Variants in IFNA14 observed in about 807,000 individuals in gnomAD.
The protein encoded by IFNA14 is interferon alpha-14.
For missense variants in IFNA14, 337 were observed against 214.9 expected (o/e 1.57, Z -3.55); for synonymous variants, 113 against 76.8 (o/e 1.47, Z -2.46).
rs758958116 is a variant in IFNA14 at position 21,239,885 on chromosome 9, C to G, written c.51G>C (p.Lys17Asn). Residue 17 changes from lysine (K) to asparagine (N), a missense_variant, in exon 1 of 1, where the codon AAG becomes AAC. Coordinates refer to ENST00000380222, the MANE Select transcript of IFNA14 (RefSeq NM_002172.3). ...LMMALVVLSC[K>N]SSCSLGCNLS... ...GATTACAGCCCAGAGAGCAGCTTGA[C>G]TTGCAGCTGAGCACCACCAGGGCCA... 32 of 1,614,114 alleles carry G rather than the reference C, an allele frequency of 2.0e-5. No homozygotes were observed. The Admixed American group carries it at 5.0e-4, about 25-fold the overall frequency.
rs768744040 is a variant in IFNA14 at position 21,239,276 on chromosome 9, A to G, written c.*90T>C. On this transcript the variant is annotated 3_prime_UTR_variant, in exon 1 of 1. Transcript: ENST00000380222. ...TTTTGATTCAACTTGTGGTGGTTAT[A>G]GGAGAAGTGAGTCTTTGAAATGGAA... The G allele has an allele frequency of 1.3e-5, 20 of 1,584,314 alleles. No individual in the cohort carries two copies. Among genetic ancestry groups the G allele is most frequent in the Non-Finnish European group, 1.7e-5 (20 of 1,170,360 alleles).
rs369750737 is a variant in IFNA14 at position 21,239,708 on chromosome 9, G to T, written c.228C>A (p.Ala76=). ...GCATCATCTCATGGAGGACAGAGAT[G>T]GCTTGAGCTTTCTGGAACTGGTTGC... ...FDGNQFQKAQ[A]ISVLHEMMQQ... The change falls in exon 1 of 1, where the codon GCC becomes GCA. Residue 76 remains alanine (A), a synonymous_variant. Coordinates refer to ENST00000380222, the MANE Select transcript of IFNA14 (RefSeq NM_002172.3). 1.2e-6 allele frequency: 2 copies of T among 1,614,004 alleles called. No homozygotes were observed. The highest frequency in any genetic ancestry group is 2.2e-5 in the South Asian group (2 of 91,084).
rs375980617 is a variant in IFNA14 at position 21,239,914 on chromosome 9, T to C, written c.22A>G (p.Met8Val). MALPFALMMALVVLSCKS... is the reference protein window; with the variant it reads MALPFALVMALVVLSCKS... ...CAGCTGAGCACCACCAGGGCCATCA[T>C]TAAAGCAAAGGGCAATGCCATTGGG... is the stretch of plus-strand genomic sequence containing the variant. The change falls in exon 1 of 1, where the codon ATG (methionine) becomes GTG (valine). Residue 8 changes from methionine to valine, a missense_variant. Transcript: ENST00000380222. 2.1e-5 allele frequency: 34 copies of C among 1,613,922 alleles called. No individual in the cohort carries two copies. The African/African-American group carries it at 3.7e-4, about 18-fold the overall frequency.
rs375980617 is a variant in IFNA14 at position 21,239,914 on chromosome 9, T to A, written c.22A>T (p.Met8Leu). 1 of 1,614,040 alleles carries A rather than the reference T, an allele frequency of 6.2e-7. No individual in the cohort carries two copies. The highest frequency in any genetic ancestry group is 8.5e-7 in the Non-Finnish European group (1 of 1,179,976). Residue 8 changes from methionine to leucine, a missense_variant, in exon 1 of 1, where the codon ATG becomes TTG. Transcript: ENST00000380222. The stretch of plus-strand genomic sequence containing the variant: ...CAGCTGAGCACCACCAGGGCCATCA[T>A]TAAAGCAAAGGGCAATGCCATTGGG... MALPFALMMALVVLSCKS... is the reference protein window; with the variant it reads MALPFALLMALVVLSCKS...
Position 21,239,241 on chromosome 9 carries a change from C to A in IFNA14, c.*125G>T, listed in dbSNP as rs1456876030. The A allele has an allele frequency of 5.9e-6, 9 of 1,527,750 alleles. No individual in the cohort carries two copies. Among genetic ancestry groups the A allele is most frequent in the Non-Finnish European group, 7.1e-6 (8 of 1,134,354 alleles). The allele number at this position is 1,527,750 out of a possible 1,614,324, so 94.6% of individuals were successfully genotyped here. ...TGATGCTTCTTTACACTCCTGAAAA[C>A]ATTTGAAAATTTTGATTCAACTTGT... On this transcript the variant is annotated 3_prime_UTR_variant, in exon 1 of 1. Coordinates refer to ENST00000380222, the MANE Select transcript of IFNA14 (RefSeq NM_002172.3).
At position 21,239,744 on chromosome 9, in the gene IFNA14, C is replaced by T. The variant is rs199850243; in HGVS notation, c.192G>A (p.Glu64=). ...KDRHDFEFPQ[E]EFDGNQFQKA... ...TCTGGAACTGGTTGCCATCAAATTC[C>T]TCCTGGGGAAATTCAAAGTCATGTC... Residue 64 remains glutamate, a synonymous_variant, in exon 1 of 1, where the codon GAG becomes GAA. Transcript: ENST00000380222. 3.7e-6 allele frequency: 6 copies of T among 1,614,138 alleles called. No individual in the cohort carries two copies. The highest frequency in any genetic ancestry group is 5.1e-6 in the Non-Finnish European group (6 of 1,180,028).
In IFNA14 at chr9:21,239,639, A is replaced by C. The variant is rs752488925; in HGVS notation, c.297T>G (p.Ala99=). ...ATTTTTCTAGGAGGGTCTCATCCCA[A>C]GCAGCAGATGAGTTCTTTGTGCTGA... is the stretch of plus-strand genomic sequence containing the variant. The part of the protein sequence containing the change: ...NLFSTKNSSA[A]WDETLLEKFY... The change falls in exon 1 of 1, where the codon GCT becomes GCG. Residue 99 remains alanine, a synonymous_variant. Transcript: ENST00000380222. The C allele has an allele frequency of 6.2e-7, 1 of 1,613,906 alleles. No individual in the cohort carries two copies. The highest frequency in any genetic ancestry group is 1.1e-5 in the South Asian group (1 of 91,070).
chr9:21,239,620 C>G lies in IFNA14; in HGVS notation c.316G>C (p.Glu106Gln), dbSNP rs1276858600. 3 of 1,613,828 alleles carry G rather than the reference C, an allele frequency of 1.9e-6. No homozygotes were observed. Among genetic ancestry groups the G allele is most frequent in the Non-Finnish European group, 2.5e-6 (3 of 1,179,870 alleles). ...TGGAAAAGTTCAATGTAGAATTTTT[C>G]TAGGAGGGTCTCATCCCAAGCAGCA... Reference protein sequence around the residue: ...SSAAWDETLLEKFYIELFQQM... With the variant: ...SSAAWDETLLQKFYIELFQQM... Residue 106 changes from glutamate to glutamine, a missense_variant, in exon 1 of 1, where the codon GAA becomes CAA. Physicochemically the swap from Glu to Gln is conservative, Grantham distance 29. Transcript: ENST00000380222.
Position 21,239,767 on chromosome 9 carries a change from G to A in IFNA14, c.169C>T (p.His57Tyr), listed in dbSNP as rs140438955. The part of the protein sequence containing the change: ...ISPFSCLKDR[H>Y]DFEFPQEEFD... ...TCCTCCTGGGGAAATTCAAAGTCATGTCTGTCCTTCAGGCAGGAGAAAGGA... is the reference window on the plus strand; with the variant it reads ...TCCTCCTGGGGAAATTCAAAGTCATATCTGTCCTTCAGGCAGGAGAAAGGA... The change falls in exon 1 of 1, where the codon CAT becomes TAT. Residue 57 changes from histidine (H) to tyrosine (Y), a missense_variant. His to Tyr is a moderately conservative substitution (Grantham distance 83, BLOSUM62 2). Coordinates refer to ENST00000380222, the MANE Select transcript of IFNA14 (RefSeq NM_002172.3). 6.2e-7 allele frequency: 1 copy of A among 1,614,162 alleles called. No homozygotes were observed. The highest frequency in any genetic ancestry group is 8.5e-7 in the Non-Finnish European group (1 of 1,180,016).
In IFNA14 at chr9:21,239,654, C is replaced by T; in HGVS notation, c.282G>A (p.Lys94=). Residue 94 remains lysine (K), a synonymous_variant, in exon 1 of 1, where the codon AAG becomes AAA. Transcript: ENST00000380222. ...MQQTFNLFST[K]NSSAAWDETL... is the part of the protein sequence containing the mutation. ...TCTCATCCCAAGCAGCAGATGAGTTCTTTGTGCTGAAGAGATTGAAGGTCT... is the reference window on the plus strand; with the variant it reads ...TCTCATCCCAAGCAGCAGATGAGTTTTTTGTGCTGAAGAGATTGAAGGTCT... The T allele has an allele frequency of 1.2e-6, 2 of 1,613,938 alleles. No homozygotes were observed. The highest frequency in any genetic ancestry group is 1.7e-6 in the Non-Finnish European group (2 of 1,179,942).
chr9:21,239,294 A>G lies in IFNA14; in HGVS notation c.*72T>C. 1.3e-6 allele frequency: 2 copies of G among 1,592,952 alleles called. No individual in the cohort carries two copies. Among genetic ancestry groups the G allele is most frequent in the Admixed American group, 3.8e-5 (2 of 53,254 alleles). On this transcript the variant is annotated 3_prime_UTR_variant, in exon 1 of 1. Transcript: ENST00000380222. ...TGGTTATAGGAGAAGTGAGTCTTTG[A>G]AATGGAAGAACTCATGAAAGTGTGA...
At position 21,239,445 on chromosome 9, in the gene IFNA14, C is replaced by G. The variant is rs745634572; in HGVS notation, c.491G>C (p.Trp164Ser). 3.3e-5 allele frequency: 53 copies of G among 1,613,966 alleles called. No individual in the cohort carries two copies. The highest frequency in any genetic ancestry group is 1.6e-4 in the Middle Eastern group (1 of 6,084). Residue 164 changes from tryptophan to serine, a missense_variant, in exon 1 of 1, where the codon TGG becomes TCG. Coordinates refer to ENST00000380222, the MANE Select transcript of IFNA14 (RefSeq NM_002172.3). ...CATGATTTCTGCTCTGACAACCTCCCAGGCACAAGGGCTGTATTTCTTCTC... is the reference window on the plus strand; with the variant it reads ...CATGATTTCTGCTCTGACAACCTCCGAGGCACAAGGGCTGTATTTCTTCTC... The part of the protein sequence containing the change: ...LMEKKYSPCA[W>S]EVVRAEIMRS...
In IFNA14 at chr9:21,239,999, G is replaced by A. The variant is rs1818866285; in HGVS notation, c.-64C>T. On this transcript the variant is annotated 5_prime_UTR_variant, in exon 1 of 1. Transcript: ENST00000380222. The stretch of plus-strand genomic sequence containing the variant: ...GGTAACACTGAACCTTGGGTTGTAG[G>A]TTTTCTGAAGACCTTGCTCTGTGCA... 2.9e-6 allele frequency: 4 copies of A among 1,360,972 alleles called. No homozygotes were observed. In the East Asian group the frequency reaches 6.9e-5, roughly 23 times the overall value. The allele number at this position is 1,360,972 out of a possible 1,614,324, so 84.3% of individuals were successfully genotyped here. A position where few individuals can be genotyped will look rare whatever the true frequency, so the allele number is the denominator to read the frequency against.
rs1183449456 is a variant in IFNA14, at chr9:21,239,994, T to A, written c.-59A>T. 2.7e-6 allele frequency: 4 copies of A among 1,464,628 alleles called. No individual in the cohort carries two copies. Among genetic ancestry groups the A allele is most frequent in the Non-Finnish European group, 3.8e-6 (4 of 1,050,844 alleles). The allele number at this position is 1,464,628 out of a possible 1,614,324, so 90.7% of individuals were successfully genotyped here. On this transcript the variant is annotated 5_prime_UTR_variant, in exon 1 of 1. Transcript: ENST00000380222. ...TGAGGGGTAACACTGAACCTTGGGT[T>A]GTAGGTTTTCTGAAGACCTTGCTCT...
Position 21,239,079 on chromosome 9 carries a change from G to A in IFNA14, c.*287C>T, listed in dbSNP as rs553432613. On this transcript the variant is annotated 3_prime_UTR_variant, in exon 1 of 1. Transcript: ENST00000380222. ...ACATATTTGTTATATTAACCACAATGTAAAGGTACACATGATATTACATAA... is the reference window on the plus strand; with the variant it reads ...ACATATTTGTTATATTAACCACAATATAAAGGTACACATGATATTACATAA... 43 of 164,022 alleles carry A rather than the reference G, an allele frequency of 2.6e-4. No homozygotes were observed. The highest frequency in any genetic ancestry group is 5.1e-4 in the Non-Finnish European group (39 of 76,774). The allele number at this position is 164,022 out of a possible 1,614,324, so 10.2% of individuals were successfully genotyped here. A position where few individuals can be genotyped will look rare whatever the true frequency, so the allele number is the denominator to read the frequency against.
chr9:21,239,676 G>C lies in IFNA14; in HGVS notation c.260C>G (p.Thr87Ser), dbSNP rs145144646. 1.3e-5 allele frequency: 21 copies of C among 1,614,016 alleles called. No individual in the cohort carries two copies. In the African/African-American group the frequency reaches 2.3e-4, roughly 17 times the overall value. Reference sequence around the variant, plus strand: ...GTTCTTTGTGCTGAAGAGATTGAAGGTCTGCTGCATCATCTCATGGAGGAC... The same window carrying C: ...GTTCTTTGTGCTGAAGAGATTGAAGCTCTGCTGCATCATCTCATGGAGGAC... ...ISVLHEMMQQ[T>S]FNLFSTKNSS... Residue 87 changes from threonine to serine, a missense_variant, in exon 1 of 1, where the codon ACC (threonine) becomes AGC (serine). Thr to Ser is a moderately conservative substitution (Grantham distance 58, BLOSUM62 1). Coordinates refer to ENST00000380222, the MANE Select transcript of IFNA14 (RefSeq NM_002172.3).
rs773695869 is a variant in IFNA14 at position 21,239,658 on chromosome 9, G to C, written c.278C>G (p.Thr93Arg). The C allele has an allele frequency of 6.2e-7, 1 of 1,613,990 alleles. No homozygotes were observed. The highest frequency in any genetic ancestry group is 1.1e-5 in the South Asian group (1 of 91,070). The change falls in exon 1 of 1, where the codon ACA becomes AGA. Residue 93 changes from threonine (T) to arginine (R), a missense_variant. Transcript: ENST00000380222. Reference sequence around the variant, plus strand: ...ATCCCAAGCAGCAGATGAGTTCTTTGTGCTGAAGAGATTGAAGGTCTGCTG... The same window carrying C: ...ATCCCAAGCAGCAGATGAGTTCTTTCTGCTGAAGAGATTGAAGGTCTGCTG... ...MMQQTFNLFS[T>R]KNSSAAWDET...
chr9:21,239,724 A>C lies in IFNA14; in HGVS notation c.212T>G (p.Phe71Cys), dbSNP rs771290311. 6.2e-7 allele frequency: 1 copy of C among 1,614,104 alleles called. No individual in the cohort carries two copies. Among genetic ancestry groups the C allele is most frequent in the Non-Finnish European group, 8.5e-7 (1 of 1,180,010 alleles). The change falls in exon 1 of 1, where the codon TTC becomes TGC. Residue 71 changes from phenylalanine to cysteine, a missense_variant. Transcript: ENST00000380222. ...FPQEEFDGNQ[F>C]QKAQAISVLH... ...GACAGAGATGGCTTGAGCTTTCTGG[A>C]ACTGGTTGCCATCAAATTCCTCCTG...
chr9:21,239,214 C>G lies in IFNA14; in HGVS notation c.*152G>C. 7.6e-7 allele frequency: 1 copy of G among 1,312,420 alleles called. No individual in the cohort carries two copies. The highest frequency in any genetic ancestry group is 1.0e-6 in the Non-Finnish European group (1 of 955,258). 81.3% of individuals were successfully genotyped at this position (1,312,420 alleles called of 1,614,324 possible). A position where few individuals can be genotyped will look rare whatever the true frequency, so the allele number is the denominator to read the frequency against. On this transcript the variant is annotated 3_prime_UTR_variant, in exon 1 of 1. Coordinates refer to ENST00000380222, the MANE Select transcript of IFNA14 (RefSeq NM_002172.3). ...AAGGACTAGTGCCTGCACAGGTATA[C>G]ATGATGCTTCTTTACACTCCTGAAA...
Sources: allele counts gnomAD v4.1 joint callset, GRCh38; gene constraint gnomAD v4.1.1; transcripts MANE v1.5; gene names NCBI Gene and HGNC (gene_info 2026-07-23, HGNC 2026-07-21).